Variants in SETD3 observed in about 807,000 individuals in gnomAD.
SETD3 encodes the protein actin-histidine N-methyltransferase.
In SETD3, 19 loss-of-function variants were observed where a neutral mutation model predicts 63.0. The observed-to-expected ratio is 0.30, with a 90% CI of 0.21 to 0.44. SETD3 has a LOEUF of 0.44. SETD3 is among the 20% of genes least tolerant of loss of function. SETD3 has a pLI of 1.00. For missense variants in SETD3, 587 were observed against 728.5 expected (o/e 0.81, Z 2.24); for synonymous variants, 286 against 264.1 (o/e 1.08, Z -0.80).
At chr14:99,435,148 A>T (rs994400869) in intron 6 of SETD3, among the ~76,000 whole-genome samples, 1 of 152,146 alleles carries the variant, frequency 6.6e-6, no homozygotes, top group Non-Finnish European at 1.5e-5. Context: ...GTTATTTGCC[A>T]TGCATATTGT....
intron 1 of SETD3, among the ~76,000 whole-genome samples, chr14:99,469,284 A>T (rs1483578224): frequency 6.6e-6 from 1 of 152,206 alleles, no homozygotes; most frequent in East Asian, 1.9e-4. Context: ...CTAGAACGCA[A>T]TCTTCAAAAG....
intron 10 of SETD3, among the ~76,000 whole-genome samples, chr14:99,404,977 T>C: frequency 6.6e-6 from 1 of 152,230 alleles, no homozygotes; most frequent in Non-Finnish European, 1.5e-5. Context: ...TTTCAGGCCA[T>C]ATCCCCCAGA....
chr14:99,469,966 A>T (rs1294153308), intron 1 of SETD3, among the ~76,000 whole-genome samples: 1 of 152,218 alleles, frequency 6.6e-6, no homozygotes, highest in African/African-American at 2.4e-5. Context: ...GGAATTCTAC[A>T]CTGTGTAGGT....
intron 6 of SETD3, among the ~76,000 whole-genome samples, chr14:99,444,142 AC>A (rs1893995474): frequency 2.6e-5 from 4 of 152,334 alleles, no homozygotes; most frequent in Non-Finnish European, 4.4e-5. Context: ...ACTGCATCCC[AC>A]AAAAACATCA....
chr14:99,456,017 G>A (rs1346168735), intron 6 of SETD3, among the ~76,000 whole-genome samples: 2 of 152,214 alleles, frequency 1.3e-5, no homozygotes, highest in African/African-American at 2.4e-5. Context: ...TTAGCCAGGC[G>A]TGGTGGCACA....
intron 6 of SETD3, 62 bp downstream of exon 6, chr14:99,458,217 C>T: frequency 6.6e-7 from 1 of 1,526,396 alleles, no homozygotes; most frequent in Non-Finnish European, 8.9e-7. Context: ...TATTTATGGA[C>T]TCAATTCCTC....
At chr14:99,479,900 G>C (rs1896177113) in intron 1 of SETD3, among the ~76,000 whole-genome samples, 1 of 152,234 alleles carries the variant, frequency 6.6e-6, no homozygotes, top group East Asian at 1.9e-4. Flanking sequence ...CCGGGCAGGG[G>C]TGAGCCCCGC....
chr14:99,459,657 A>C (rs1159195212), intron 4 of SETD3, among the ~76,000 whole-genome samples: 1 of 152,242 alleles, frequency 6.6e-6, no homozygotes, highest in Non-Finnish European at 1.5e-5. Context: ...ACTTATCTTT[A>C]AAGCACAACA....
intron 6 of SETD3, among the ~76,000 whole-genome samples, chr14:99,439,760 AT>A (rs1445768721): frequency 6.7e-6 from 1 of 149,794 alleles, no homozygotes; most frequent in Non-Finnish European, 1.5e-5. Context: ...ATGTATTTAT[AT>A]TTTTATACAC....
chr14:99,480,218 A>G (rs1359133721), intron 1 of SETD3, among the ~76,000 whole-genome samples: 1 of 151,996 alleles, frequency 6.6e-6, no homozygotes, highest in Non-Finnish European at 1.5e-5. Flanking sequence ...ATAAAACCGC[A>G]CAGCCTTCCC....
intron 6 of SETD3, among the ~76,000 whole-genome samples, chr14:99,457,163 T>TTTTGA (rs1231508056): frequency 6.6e-6 from 1 of 152,202 alleles, no homozygotes; most frequent in Non-Finnish European, 1.5e-5. Flanking sequence ...AGAAGCAAAG[T>TTTTGA]TTTGATTTGG....
At chr14:99,483,520 A>G (rs1454133950), upstream of SETD3, among the ~76,000 whole-genome samples, 1 of 152,244 alleles carries the variant, frequency 6.6e-6, no homozygotes, top group Non-Finnish European at 1.5e-5. Flanking sequence ...ACTGCGCTCC[A>G]GCCTGGGCGA....
intron 1 of SETD3, among the ~76,000 whole-genome samples, chr14:99,479,708 A>G (rs933611823): frequency 7.9e-5 from 12 of 152,240 alleles, no homozygotes; most frequent in African/African-American, 2.9e-4. Context: ...CAATCAGGCT[A>G]CGAAGATGGG....
intron 8 of SETD3, among the ~76,000 whole-genome samples, chr14:99,407,027 G>C (rs1235315782): frequency 6.6e-6 from 1 of 152,190 alleles, no homozygotes; most frequent in Non-Finnish European, 1.5e-5. Context: ...TGGCCATTAA[G>C]AAATCCAAGT....
At chr14:99,440,734 T>TG (rs1269462164) in intron 6 of SETD3, among the ~76,000 whole-genome samples, 1 of 139,740 alleles carries the variant, frequency 7.2e-6, no homozygotes, top group African/African-American at 2.7e-5. Context: ...GAACACTGGG[T>TG]GAAAAAAAAA....
chr14:99,411,397 G>A (rs1313445279), intron 8 of SETD3: 1 of 152,126 alleles, frequency 6.6e-6, no homozygotes, highest in Non-Finnish European at 1.5e-5. Context: ...GTGCAGATGA[G>A]TGTGTGAGGT....
chr14:99,455,363 T>C (rs1894700471), intron 6 of SETD3, among the ~76,000 whole-genome samples: 1 of 152,268 alleles, frequency 6.6e-6, no homozygotes, highest in Non-Finnish European at 1.5e-5. Flanking sequence ...CAAATCTGCA[T>C]GATTTTATAA....
intron 6 of SETD3, among the ~76,000 whole-genome samples, chr14:99,447,541 A>G (rs1894206181): frequency 6.6e-6 from 1 of 152,226 alleles, no homozygotes; most frequent in African/African-American, 2.4e-5. Context: ...GTGCTTACAC[A>G]CTGAACACAA....
intron 6 of SETD3, among the ~76,000 whole-genome samples, chr14:99,434,383 CCCTGACATGGGTGGGGCACTGATG>C (rs1893352084): frequency 1.3e-5 from 2 of 152,066 alleles, no homozygotes. Context: ...GAGTGCTTAC[CCCTGACATGGGTGGGGCACTGATG>C]GGGAAAGGAC....
Sources: allele counts gnomAD v4.1 joint callset (sites outside exome capture counted in the v4.1 genomes callset), GRCh38; gene constraint gnomAD v4.1.1; transcripts MANE v1.5; gene names NCBI Gene and HGNC (gene_info 2026-07-23, HGNC 2026-07-21).